The following KIAA1958 variants were observed in gnomAD, a reference collection of about 807,000 sequenced individuals.
KIAA1958 encodes the protein KIAA1958.
KIAA1958 carries 14 observed loss-of-function variants against 47.2 expected under a neutral mutation model. The ratio of observed to expected loss-of-function variants is 0.30; its 90% CI spans 0.20 to 0.46. The LOEUF (loss-of-function observed/expected upper bound fraction) is 0.46. Ranked by LOEUF, KIAA1958 falls within the 20% of genes least tolerant of loss-of-function variation. KIAA1958 has a pLI of 1.00. For missense variants in KIAA1958, 803 were observed against 909.2 expected (o/e 0.88, Z 1.50); for synonymous variants, 354 against 353.3 (o/e 1.00, Z -0.02).
chr9:112,563,416 GTTGTT>G (rs1835372635), intron 1 of KIAA1958, among the ~76,000 whole-genome samples: 1 of 152,034 alleles, frequency 6.6e-6, no homozygotes, highest in Non-Finnish European at 1.5e-5. Context: ...GCATTGTTTT[GTTGTT>G]TTTAGTATAG....
chr9:112,516,160 G>C (rs796481669), intron 1 of KIAA1958, among the ~76,000 whole-genome samples: 9 of 152,150 alleles, frequency 5.9e-5, no homozygotes, highest in African/African-American at 2.2e-4. Context: ...GAAGGTTGCA[G>C]GATGAAATTC....
intron 2 of KIAA1958, among the ~76,000 whole-genome samples, chr9:112,576,016 C>T (rs1211294415): frequency 6.6e-6 from 1 of 152,116 alleles, no homozygotes; most frequent in East Asian, 1.9e-4. Flanking sequence ...AGAATAGAAA[C>T]GTGGACAAGG....
chr9:112,490,432 T>A (rs533493192), intron 1 of KIAA1958, among the ~76,000 whole-genome samples: 1 of 152,194 alleles, frequency 6.6e-6, no homozygotes, highest in African/African-American at 2.4e-5. Flanking sequence ...TTAGTTGATT[T>A]ATGGACTTTA....
At chr9:112,627,984 A>G (rs186634937) in intron 2 of KIAA1958, among the ~76,000 whole-genome samples, 1 of 152,300 alleles carries the variant, frequency 6.6e-6, no homozygotes, top group Non-Finnish European at 1.5e-5. Flanking sequence ...TAAAGAGAAA[A>G]TCGTTTCAAC....
At chr9:112,530,188 G>GA (rs1834730879) in intron 1 of KIAA1958, among the ~76,000 whole-genome samples, 5 of 152,118 alleles carry the variant, frequency 3.3e-5, no homozygotes, top group Admixed American at 3.3e-4. Flanking sequence ...AAATTATTTG[G>GA]CATTCTTCTG....
intron 1 of KIAA1958, among the ~76,000 whole-genome samples, chr9:112,539,981 G>T (rs184849568): frequency 6.6e-6 from 1 of 152,154 alleles, no homozygotes; most frequent in Non-Finnish European, 1.5e-5. Context: ...CTGAGCCACC[G>T]TGCTGGGCTG....
chr9:112,502,006 C>A (rs552559003), intron 1 of KIAA1958, among the ~76,000 whole-genome samples: 70 of 152,252 alleles, frequency 4.6e-4, no homozygotes, highest in African/African-American at 1.6e-3. Context: ...ATGATAATCA[C>A]ACACAAAATA....
intron 1 of KIAA1958, among the ~76,000 whole-genome samples, chr9:112,510,955 A>G (rs1279500346): frequency 6.6e-6 from 1 of 152,058 alleles, no homozygotes; most frequent in Admixed American, 6.6e-5. Flanking sequence ...ATGTTGGTGC[A>G]TTTGCAAAAA....
chr9:112,519,054 C>A (rs1305199366), intron 1 of KIAA1958, among the ~76,000 whole-genome samples: 1 of 152,098 alleles, frequency 6.6e-6, no homozygotes, highest in African/African-American at 2.4e-5. Flanking sequence ...TTCAGCCTCC[C>A]AAGTAGCTGG....
At chr9:112,556,526 G>A (rs1403382861) in intron 1 of KIAA1958, among the ~76,000 whole-genome samples, 1 of 152,034 alleles carries the variant, frequency 6.6e-6, no homozygotes, top group Non-Finnish European at 1.5e-5. Flanking sequence ...GTAGAGATAG[G>A]GTCTTACTGT....
chr9:112,568,936 T>TAAAAAAAAAAAAAAAA (rs57898820), intron 1 of KIAA1958, among the ~76,000 whole-genome samples: 13 of 36,454 alleles, frequency 3.6e-4, no homozygotes, highest in East Asian at 1.1e-3. Flanking sequence ...ATAGGAAAAC[T>TAAAAAAAAAAAAAAAA]AAAAAAAAAA....
intron 1 of KIAA1958, among the ~76,000 whole-genome samples, chr9:112,519,462 A>G (rs1251289859): frequency 6.6e-6 from 1 of 152,216 alleles, no homozygotes; most frequent in African/African-American, 2.4e-5. Flanking sequence ...GGCACCAAGT[A>G]TTTAAATATA....
intron 1 of KIAA1958, among the ~76,000 whole-genome samples, chr9:112,497,750 C>A (rs151104238): frequency 2.0e-5 from 3 of 152,122 alleles, no homozygotes; most frequent in African/African-American, 7.2e-5. Context: ...TGGGGAGGTT[C>A]AATACAGTTT....
chr9:112,581,459 A>T (rs1423179164), intron 2 of KIAA1958, among the ~76,000 whole-genome samples: 1 of 152,144 alleles, frequency 6.6e-6, no homozygotes, highest in Non-Finnish European at 1.5e-5. Context: ...CACCAGCATT[A>T]CCTGGGAGCA....
At chr9:112,593,497 T>G (rs923034605) in intron 2 of KIAA1958, among the ~76,000 whole-genome samples, 1 of 152,256 alleles carries the variant, frequency 6.6e-6, no homozygotes, top group African/African-American at 2.4e-5. Flanking sequence ...GAAAGAATTG[T>G]TCCATAATTG....
At chr9:112,657,637 TC>T (rs922075972) in intron 3 of KIAA1958, among the ~76,000 whole-genome samples, 2 of 152,164 alleles carry the variant, frequency 1.3e-5, no homozygotes, top group Non-Finnish European at 2.9e-5. Flanking sequence ...ATGTTACCTG[TC>T]CAGTGTCTAC....
rs140852826 is a variant in KIAA1958 at position 112,638,939 on chromosome 9, C to A, written c.1172-6711C>A. ...ATTGCCTTTTTAATAATTTTTAAAG[C>A]TTGAAACAATCTTAAACTCCAAAAA... On this transcript the variant is annotated intron_variant, in intron 2 of 3. Coordinates refer to ENST00000337530, the MANE Select transcript of KIAA1958 (RefSeq NM_133465.4). Among the ~76,000 whole-genome samples, 1,149 of 152,172 alleles carry A rather than the reference C, an allele frequency of 7.6e-3. 19 individuals are homozygous for A. Among genetic ancestry groups the A allele is most frequent in the South Asian group, 0.06 (287 of 4,818 alleles).
intron 1 of KIAA1958, among the ~76,000 whole-genome samples, chr9:112,540,306 C>T (rs1357319692): frequency 6.6e-6 from 1 of 152,058 alleles, no homozygotes; most frequent in Non-Finnish European, 1.5e-5. Context: ...CATGATGTGT[C>T]GTATCTCTAA....
chr9:112,537,479 G>T (rs537214359), intron 1 of KIAA1958, among the ~76,000 whole-genome samples: 2 of 152,254 alleles, frequency 1.3e-5, no homozygotes, highest in African/African-American at 2.4e-5. Flanking sequence ...AATCAGTAAG[G>T]CTAAGATAGA....
Sources: allele counts gnomAD v4.1 joint callset (sites outside exome capture counted in the v4.1 genomes callset), GRCh38; gene constraint gnomAD v4.1.1; transcripts MANE v1.5; gene names NCBI Gene and HGNC (gene_info 2026-07-23, HGNC 2026-07-21).